Variants in QRFPR observed in about 807,000 individuals in gnomAD.
QRFPR encodes the protein pyroglutamylated RF-amide peptide receptor.
Under a neutral mutation model 31.3 loss-of-function variants are expected in QRFPR, and 37 were observed. The observed-to-expected ratio is 1.18, with a 90% confidence interval of 0.91 to 1.56. QRFPR has a LOEUF of 1.56. QRFPR is among the 40% of genes most tolerant of loss of function. The pLI is 0.00. For synonymous variants in QRFPR, 197 were observed against 192.0 expected (o/e 1.03, Z -0.22); for missense variants, 542 against 532.5 (o/e 1.02, Z -0.18).
In QRFPR at chr4:121,332,042, A is replaced by G. The variant is rs530074195; in HGVS notation, c.797+779T>C. Reference sequence around the variant, plus strand: ...ATAGGTCCCAAGGTGCGGACAGTCTAGGAGCCCCTGTACATTGACAAGAAG... The same window carrying G: ...ATAGGTCCCAAGGTGCGGACAGTCTGGGAGCCCCTGTACATTGACAAGAAG... On this transcript the variant is annotated intron_variant, in intron 4 of 5. Coordinates refer to ENST00000394427, the MANE Select transcript of QRFPR (RefSeq NM_198179.3). 3.3e-5 allele frequency among the ~76,000 whole-genome samples: 5 copies of G among 152,282 alleles called. No homozygotes were observed. In the South Asian group the frequency reaches 1.0e-3, roughly 32 times the overall value.
In QRFPR at chr4:121,336,861, G is replaced by T. The variant is rs1247155872; in HGVS notation, c.507C>A (p.Val169=). The T allele has an allele frequency of 1.9e-6, 3 of 1,613,898 alleles. No homozygotes were observed. Among genetic ancestry groups the T allele is most frequent in the Non-Finnish European group, 2.5e-6 (3 of 1,179,880 alleles). Residue 169 remains valine (V), a synonymous_variant, in exon 3 of 6, where the codon GTC becomes GTA. Transcript: ENST00000394427. ...ATCCTACGATGACTGCCACCAGCCAGACCACACCTGTAAAAGTGTTAAAGT... is the reference window on the plus strand; with the variant it reads ...ATCCTACGATGACTGCCACCAGCCATACCACACCTGTAAAAGTGTTAAAGT... ...NRRAFTMLGV[V]WLVAVIVGSP... is the part of the protein sequence containing the mutation.
rs534755641 is a variant in QRFPR, at chr4:121,380,431, T to G, written c.217A>C (p.Ser73Arg). The change falls in exon 1 of 6, where the codon AGC becomes CGC. Residue 73 changes from serine to arginine, a missense_variant. Transcript: ENST00000394427. ...NALVFYVVTR[S>R]KAMRTVTNIF... ...TTGGTGACGGTGCGCATGGCCTTGC[T>G]GCGGGTCACCACGTAGAACACCAGA... is the stretch of plus-strand genomic sequence containing the variant. The G allele has an allele frequency of 5.9e-5, 96 of 1,614,186 alleles. 1 individual carries two copies. The South Asian group carries it at 9.7e-4, about 16-fold the overall frequency.
At chr4:121,340,279 AAG>A in intron 2 of QRFPR, 171 bp downstream of exon 2, 1 of 671,466 alleles carries the variant, frequency 1.5e-6, no homozygotes, top group East Asian at 2.8e-5. Flanking sequence ...GTCAGCCTAA[AAG>A]AGAGATGGTG....
intron 1 of QRFPR, among the ~76,000 whole-genome samples, chr4:121,354,345 G>A (rs516449): frequency 0.066 from 9,403 of 141,576 alleles, 373 homozygotes; most frequent in Non-Finnish European, 0.1. Context: ...CATGAACATG[G>A]CATATTTTCC....
chr4:121,329,434 A>C lies in QRFPR; in HGVS notation c.1176T>G (p.Ser392Arg), dbSNP rs763347379. 3 of 1,614,158 alleles carry C rather than the reference A, an allele frequency of 1.9e-6. No homozygotes were observed. Among genetic ancestry groups the C allele is most frequent in the Non-Finnish European group, 2.5e-6 (3 of 1,180,012 alleles). The change falls in exon 6 of 6, where the codon AGT becomes AGG. Residue 392 changes from serine (S) to arginine (R), a missense_variant. Coordinates refer to ENST00000394427, the MANE Select transcript of QRFPR (RefSeq NM_198179.3). ...ACAATTTGACTTCAATGTTGCCATC[A>C]CTGAATGCTTCTCCTTTGGTTTCCT... ...PVEETKGEAF[S>R]DGNIEVKLCE...
chr4:121,332,237 C>T (rs756783436), intron 4 of QRFPR, among the ~76,000 whole-genome samples: 3 of 152,138 alleles, frequency 2.0e-5, no homozygotes, highest in Non-Finnish European at 4.4e-5. Context: ...CTACAAGTAT[C>T]ATAGCAGTAA....
chr4:121,376,264 T>C lies in QRFPR; in HGVS notation c.340+4044A>G, dbSNP rs557290987. On this transcript the variant is annotated intron_variant, in intron 1 of 5. Coordinates refer to ENST00000394427, the MANE Select transcript of QRFPR (RefSeq NM_198179.3). ...CCATGTTGGAAGGAGTCCTGGGGAG[T>C]AGAGAGTGAGTCAACTGGTAGATCA... is the stretch of plus-strand genomic sequence containing the variant. Among the ~76,000 whole-genome samples the C allele has an allele frequency of 3.3e-5, 5 of 151,956 alleles. No homozygotes were observed. The South Asian group carries it at 1.0e-3, about 32-fold the overall frequency.
intron 1 of QRFPR, among the ~76,000 whole-genome samples, chr4:121,343,051 C>T (rs891053609): frequency 2.6e-5 from 4 of 152,194 alleles, no homozygotes; most frequent in African/African-American, 4.8e-5. Context: ...GAGAAGGGAA[C>T]GCCCATGGAC....
At chr4:121,355,216 GA>G (rs1177630830) in intron 1 of QRFPR, among the ~76,000 whole-genome samples, 1 of 151,992 alleles carries the variant, frequency 6.6e-6, no homozygotes, top group Non-Finnish European at 1.5e-5. Context: ...TTTCTTTGAT[GA>G]AAGACTTTTA....
chr4:121,336,887 C>T lies in QRFPR; in HGVS notation c.500-19G>A. On this transcript the variant is annotated intron_variant, in intron 2 of 5. Coordinates refer to ENST00000394427, the MANE Select transcript of QRFPR (RefSeq NM_198179.3). ...ACCACACCTGTAAAAGTGTTAAAGT[C>T]ATGAGAGTATGACTCAGTTGAGTAA... The T allele has an allele frequency of 6.2e-7, 1 of 1,611,106 alleles. No individual in the cohort carries two copies.
rs575626444 is a variant in QRFPR, at chr4:121,370,453, G to T, written c.340+9855C>A. Reference sequence around the variant, plus strand: ...GGATGTTAATGAGGAACATGGTCCAGCTGCTGCAAATTAGCAAAACTTCCC... The same window carrying T: ...GGATGTTAATGAGGAACATGGTCCATCTGCTGCAAATTAGCAAAACTTCCC... On this transcript the variant is annotated intron_variant, in intron 1 of 5. Transcript: ENST00000394427. The T allele has an allele frequency of 7.4e-6, 4 of 537,788 alleles. No homozygotes were observed. The African/African-American group carries it at 7.6e-5, about 10-fold the overall frequency. 33.3% of individuals were successfully genotyped at this position (537,788 alleles called of 1,614,324 possible).
intron 1 of QRFPR, among the ~76,000 whole-genome samples, chr4:121,354,568 GTC>G (rs1202284464): frequency 6.6e-6 from 1 of 151,604 alleles, no homozygotes; most frequent in African/African-American, 2.4e-5. Flanking sequence ...TAATTGCTCT[GTC>G]TAGGACTTCT....
At chr4:121,337,982 GAA>G (rs770761175) in intron 2 of QRFPR, among the ~76,000 whole-genome samples, 1 of 152,076 alleles carries the variant, frequency 6.6e-6, no homozygotes, top group Non-Finnish European at 1.5e-5. Context: ...ATATTGGGTG[GAA>G]CATTAAGAAA....
At position 121,356,490 on chromosome 4, in the gene QRFPR, G is replaced by A. The variant is rs140771091; in HGVS notation, c.341-15880C>T. ...TGAACATTTGTCAATCCTGGGCATT[G>A]AAGAGTTCAGTATTTATTCCAGTCT... On this transcript the variant is annotated intron_variant, in intron 1 of 5. Coordinates refer to ENST00000394427, the MANE Select transcript of QRFPR (RefSeq NM_198179.3). Among the ~76,000 whole-genome samples, 180 of 152,272 alleles carry A rather than the reference G, an allele frequency of 1.2e-3. 1 individual carries two copies. The highest frequency in any genetic ancestry group is 1.9e-3 in the Non-Finnish European group (130 of 68,024).
intron 1 of QRFPR, among the ~76,000 whole-genome samples, chr4:121,378,405 C>A (rs558349671): frequency 1.4e-5 from 2 of 143,016 alleles, no homozygotes; most frequent in African/African-American, 2.6e-5. Flanking sequence ...TGGCTCACTG[C>A]ACTTTTTTTT....
At chr4:121,340,729 T>A (rs933384058) in intron 1 of QRFPR, 119 bp from the exon 2 acceptor site, 15 of 846,890 alleles carry the variant, frequency 1.8e-5, no homozygotes, top group Non-Finnish European at 2.7e-5. Flanking sequence ...GTTTGATAAT[T>A]GTAATTACTC....
intron 1 of QRFPR, chr4:121,370,219 TG>T (rs1726208814): frequency 1.3e-6 from 1 of 776,332 alleles, no homozygotes; most frequent in Non-Finnish European, 2.4e-6. Flanking sequence ...GGAGGAGTCA[TG>T]GGTGCAGGGT....
intron 1 of QRFPR, among the ~76,000 whole-genome samples, chr4:121,379,777 T>C (rs1726435559): frequency 6.6e-6 from 1 of 152,216 alleles, no homozygotes; most frequent in Non-Finnish European, 1.5e-5. Context: ...ATATTTGTTT[T>C]ATGCTCATAG....
chr4:121,377,113 T>C (rs1425010984), intron 1 of QRFPR, among the ~76,000 whole-genome samples: 1 of 152,204 alleles, frequency 6.6e-6, no homozygotes, highest in African/African-American at 2.4e-5. Context: ...GATGTTTTCT[T>C]TTACCTGATT....
Sources: gnomAD v4.1 joint callset for allele counts (sites outside exome capture counted in the v4.1 genomes callset) on GRCh38, gnomAD v4.1.1 for gene constraint, MANE v1.5 for transcripts, NCBI Gene and HGNC (gene_info 2026-07-23, HGNC 2026-07-21) for gene names.